Variants in LRP1B observed in about 807,000 individuals in gnomAD.
LRP1B encodes the protein LDL receptor related protein 1B, also known as low-density lipoprotein receptor-related protein 1B.
In LRP1B, 217 loss-of-function variants were observed where a neutral mutation model predicts 556.6. That is an observed-to-expected ratio of 0.39 (90% CI 0.35 to 0.44). The LOEUF (loss-of-function observed/expected upper bound fraction) is 0.44. LRP1B is among the 20% of genes least tolerant of loss of function. LRP1B has a pLI of 1.00. For synonymous variants in LRP1B, 2,047 were observed against 1,865.8 expected (o/e 1.10, Z -2.50); for missense variants, 5,053 against 5,620.8 (o/e 0.90, Z 3.23).
chr2:140,896,131 C>A (rs12469393), intron 23 of LRP1B, among the ~76,000 whole-genome samples: 71,491 of 151,134 alleles, frequency 0.47, 18,408 homozygotes, highest in South Asian at 0.6. Context: ...TTTAGGTGGT[C>A]CTAAAAGAAA....
intron 41 of LRP1B, among the ~76,000 whole-genome samples, chr2:140,611,929 T>A (rs2105226915): frequency 6.6e-6 from 1 of 152,264 alleles, no homozygotes; most frequent in Non-Finnish European, 1.5e-5. Flanking sequence ...GAAAGATTTC[T>A]TATTGAAATG....
chr2:140,670,721 G>T (rs1685450810), intron 41 of LRP1B, among the ~76,000 whole-genome samples: 1 of 152,148 alleles, frequency 6.6e-6, no homozygotes, highest in African/African-American at 2.4e-5. Flanking sequence ...TACAAATCCA[G>T]GCAAAGAGAA....
chr2:140,316,953 C>A (rs1684548756), intron 82 of LRP1B, among the ~76,000 whole-genome samples: 2 of 152,008 alleles, frequency 1.3e-5, no homozygotes, highest in African/African-American at 4.8e-5. Flanking sequence ...TTAAAGTAAG[C>A]AAGTAGCATT....
chr2:140,879,656 A>G (rs916377040), intron 25 of LRP1B, among the ~76,000 whole-genome samples: 3 of 151,956 alleles, frequency 2.0e-5, no homozygotes, highest in Admixed American at 6.6e-5. Context: ...TTTTCCTATT[A>G]CTTTCTCTTT....
intron 2 of LRP1B, among the ~76,000 whole-genome samples, chr2:141,699,785 G>A (rs970343169): frequency 4.0e-5 from 6 of 150,174 alleles, no homozygotes; most frequent in South Asian, 2.1e-4. Context: ...AATATTTGCC[G>A]TATTTTGAAC....
At chr2:140,745,837 A>T (rs1688296013) in intron 35 of LRP1B, among the ~76,000 whole-genome samples, 1 of 152,194 alleles carries the variant, frequency 6.6e-6, no homozygotes, top group African/African-American at 2.4e-5. Context: ...ATGGATTATT[A>T]TATGGAGCTT....
chr2:141,419,826 T>C (rs920480100), intron 3 of LRP1B, among the ~76,000 whole-genome samples: 3 of 150,780 alleles, frequency 2.0e-5, no homozygotes, highest in East Asian at 1.9e-4. Flanking sequence ...CTTTGAGGTA[T>C]AGATTATTTA....
At chr2:141,872,491 A>G (rs766064544) in intron 1 of LRP1B, among the ~76,000 whole-genome samples, 7 of 151,966 alleles carry the variant, frequency 4.6e-5, no homozygotes, top group Admixed American at 3.9e-4. Flanking sequence ...ATGGTTCAAC[A>G]TATGTAAAAT....
At chr2:140,855,265 G>A (rs1692579436) in intron 27 of LRP1B, among the ~76,000 whole-genome samples, 1 of 150,592 alleles carries the variant, frequency 6.6e-6, no homozygotes, top group Admixed American at 6.7e-5. Context: ...TTTCCTGCAT[G>A]GATTGTTGCG....
At chr2:141,432,084 G>A (rs973216131) in intron 3 of LRP1B, among the ~76,000 whole-genome samples, 3 of 152,012 alleles carry the variant, frequency 2.0e-5, no homozygotes, top group African/African-American at 4.8e-5. Context: ...CAAGTATGTT[G>A]TCACCTGTAG....
At position 141,621,415 on chromosome 2, in the gene LRP1B, G is replaced by T. The variant is rs543762809; in HGVS notation, c.206-140882C>A. On this transcript the variant is annotated intron_variant, in intron 2 of 90. Coordinates refer to ENST00000389484, the MANE Select transcript of LRP1B (RefSeq NM_018557.3). ...AGAAAATACCAGAGAAGTAAAGTTA[G>T]AATTAAATACAGAGATGAATTCAGG... Among the ~76,000 whole-genome samples, 6 of 152,190 alleles carry T rather than the reference G, an allele frequency of 3.9e-5. No individual in the cohort carries two copies. The South Asian group carries it at 8.3e-4, about 21-fold the overall frequency.
rs573094562 is a variant in LRP1B, at chr2:140,257,334, C to G, written c.13248-10172G>C. ...AATGGATAAACAGTTAAGAGTTATA[C>G]AAATAATATATAATGTATTGGGTTT... On this transcript the variant is annotated intron_variant, in intron 86 of 90. Coordinates refer to ENST00000389484, the MANE Select transcript of LRP1B (RefSeq NM_018557.3). Among the ~76,000 whole-genome samples, 4 of 152,184 alleles carry G rather than the reference C, an allele frequency of 2.6e-5. No homozygotes were observed. The East Asian group carries it at 7.7e-4, about 29-fold the overall frequency.
intron 32 of LRP1B, among the ~76,000 whole-genome samples, chr2:140,813,196 T>C (rs141171413): frequency 2.0e-5 from 3 of 152,198 alleles, no homozygotes; most frequent in Non-Finnish European, 4.4e-5. Context: ...CACTCCAAAA[T>C]ACTGAAAAGA....
chr2:141,766,141 G>T (rs1694724743), intron 2 of LRP1B, among the ~76,000 whole-genome samples: 1 of 152,066 alleles, frequency 6.6e-6, no homozygotes, highest in Non-Finnish European at 1.5e-5. Flanking sequence ...AGAATAGAAA[G>T]GATTGTCAAG....
At chr2:140,873,666 ATAAT>A (rs1201279680) in intron 25 of LRP1B, among the ~76,000 whole-genome samples, 1 of 152,050 alleles carries the variant, frequency 6.6e-6, no homozygotes, top group Non-Finnish European at 1.5e-5. Flanking sequence ...TTAAAATAAA[ATAAT>A]TAGGTAAATG....
intron 6 of LRP1B, among the ~76,000 whole-genome samples, chr2:141,216,957 G>T (rs116005110): frequency 6.6e-6 from 1 of 152,128 alleles, no homozygotes; most frequent in Non-Finnish European, 1.5e-5. Context: ...TGAGACTTTA[G>T]ACTTGGGACT....
chr2:140,657,606 TATATATACATAC>T (rs201965293), intron 41 of LRP1B, among the ~76,000 whole-genome samples: 8 of 137,738 alleles, frequency 5.8e-5, no homozygotes, highest in African/African-American at 1.8e-4. Flanking sequence ...TATATATACA[TATATATACATAC>T]ATATATACAT....
intron 7 of LRP1B, among the ~76,000 whole-genome samples, chr2:141,148,004 T>C (rs1701828714): frequency 6.6e-6 from 1 of 152,212 alleles, no homozygotes; most frequent in Non-Finnish European, 1.5e-5. Flanking sequence ...TGAAATAGGC[T>C]ACACCACTAA....
chr2:140,288,723 A>G (rs1478112612), intron 84 of LRP1B, among the ~76,000 whole-genome samples: 1 of 151,796 alleles, frequency 6.6e-6, no homozygotes, highest in African/African-American at 2.4e-5. Context: ...ATGAAAAGCC[A>G]TGCATTGTTT....
Sources: allele counts gnomAD v4.1 joint callset (sites outside exome capture counted in the v4.1 genomes callset), GRCh38; gene constraint gnomAD v4.1.1; transcripts MANE v1.5; gene names NCBI Gene and HGNC (gene_info 2026-07-23, HGNC 2026-07-21).